PTPRE: variants seen among roughly 807,000 people sequenced by gnomAD.
PTPRE encodes receptor-type tyrosine-protein phosphatase epsilon.
Under a neutral mutation model 102.0 loss-of-function variants are expected in PTPRE, and 51 were observed. That is an observed-to-expected ratio of 0.50 (90% CI 0.40 to 0.63). The LOEUF is 0.63. Ranked by LOEUF, PTPRE falls within the 30% of genes least tolerant of loss-of-function variation. The pLI is 0.00. For missense variants in PTPRE, 752 were observed against 915.1 expected, an observed-to-expected ratio of 0.82 and a Z score of 2.30; for synonymous variants, 345 against 348.2, an observed-to-expected ratio of 0.99 and a Z score of 0.10.
chr10:127,935,769 A>G (rs985847714), intron 1 of PTPRE, among the ~76,000 whole-genome samples: 5 of 152,148 alleles, frequency 3.3e-5, no homozygotes, highest in African/African-American at 1.2e-4. Context: ...CACTGCTACA[A>G]ACCCAGACAT....
At chr10:128,082,195 C>CTCTCTCTTTTTTTT in intron 20 of PTPRE, among the ~76,000 whole-genome samples, 1 of 89,036 alleles carries the variant, frequency 1.1e-5, no homozygotes, top group Non-Finnish European at 2.2e-5. Flanking sequence ...TTTTCTCTTT[C>CTCTCTCTTTTTTTT]TTTTTTTTTT....
intron 1 of PTPRE, among the ~76,000 whole-genome samples, chr10:127,920,281 C>T (rs563338080): frequency 6.6e-6 from 1 of 152,268 alleles, no homozygotes; most frequent in Admixed American, 6.5e-5. Flanking sequence ...AGAAGAGCAC[C>T]TTGAGTCCCA....
chr10:127,972,459 C>G (rs1410985093), intron 1 of PTPRE, among the ~76,000 whole-genome samples: 2 of 152,160 alleles, frequency 1.3e-5, no homozygotes, highest in East Asian at 1.9e-4. Context: ...CCTCAAGGAC[C>G]ATTTGTCCTC....
At chr10:128,073,127 CGGT>C (rs1160349955) in intron 16 of PTPRE, among the ~76,000 whole-genome samples, 1 of 152,204 alleles carries the variant, frequency 6.6e-6, no homozygotes, top group Non-Finnish European at 1.5e-5. Flanking sequence ...CAGGGGCTGA[CGGT>C]GGCCGTTATG....
At chr10:128,075,012 C>T (rs959978955) in intron 17 of PTPRE, among the ~76,000 whole-genome samples, 36 of 152,296 alleles carry the variant, frequency 2.4e-4, no homozygotes, top group East Asian at 1.9e-4. Context: ...TTTATGCCTA[C>T]GTAGACTGTT....
intron 1 of PTPRE, among the ~76,000 whole-genome samples, chr10:127,969,683 G>GGC (rs368828538): frequency 3.6e-5 from 4 of 110,434 alleles, no homozygotes; most frequent in African/African-American, 1.5e-4. Flanking sequence ...AAAAAAAAAA[G>GGC]GGGGGCGGGG....
At chr10:128,080,461 G>C (rs554295524) in intron 20 of PTPRE, among the ~76,000 whole-genome samples, 5 of 152,344 alleles carry the variant, frequency 3.3e-5, no homozygotes, top group African/African-American at 1.2e-4. Flanking sequence ...CGCAGCAGGA[G>C]CGAGGACACC....
Position 127,907,303 on chromosome 10 carries a change from C to A in PTPRE, c.-37C>A, listed in dbSNP as rs1845540117. ...GCGATCTGCGCGACCAGACCGGCCCCCCCGAGGTGAGCGCGCGTGCGGACA... is the reference window on the plus strand; with the variant it reads ...GCGATCTGCGCGACCAGACCGGCCCACCCGAGGTGAGCGCGCGTGCGGACA... On this transcript the variant is annotated 5_prime_UTR_variant, in exon 1 of 21. Transcript: ENST00000254667. This position sits in a 1 kb window ranked among gnomAD's most constrained non-coding sequence, Gnocchi z 4.8. 3 of 984,804 alleles carry A rather than the reference C, an allele frequency of 3.0e-6. No homozygotes were observed. The highest frequency in any genetic ancestry group is 3.6e-6 in the Non-Finnish European group (3 of 829,732). 61.0% of individuals were successfully genotyped at this position (984,804 alleles called of 1,614,324 possible). A position where few individuals can be genotyped will look rare whatever the true frequency, so the allele number is the denominator to read the frequency against.
At chr10:128,064,012 C>T (rs1849843614) in intron 10 of PTPRE, among the ~76,000 whole-genome samples, 1 of 152,164 alleles carries the variant, frequency 6.6e-6, no homozygotes, top group Non-Finnish European at 1.5e-5. Flanking sequence ...AGCCGTGTGT[C>T]CTGCCCGGCC....
intron 2 of PTPRE, among the ~76,000 whole-genome samples, chr10:128,033,096 G>T (rs1312216858): frequency 6.6e-6 from 1 of 152,226 alleles, no homozygotes; most frequent in Non-Finnish European, 1.5e-5. Context: ...GAAATAAAAA[G>T]CTACTAAGAG....
chr10:127,984,083 T>C (rs568322884), intron 2 of PTPRE, among the ~76,000 whole-genome samples: 23,062 of 142,294 alleles, frequency 0.16, 1,685 homozygotes, highest in Non-Finnish European at 0.2. Context: ...TCTTTCTTTT[T>C]TTTTTTTTTT....
intron 2 of PTPRE, among the ~76,000 whole-genome samples, chr10:127,986,499 C>T (rs1241547584): frequency 6.6e-6 from 1 of 152,156 alleles, no homozygotes; most frequent in Non-Finnish European, 1.5e-5. Flanking sequence ...CATGGAAATA[C>T]CCAAGGAATA....
chr10:128,056,476 G>A (rs1848971807), intron 7 of PTPRE, among the ~76,000 whole-genome samples: 1 of 152,228 alleles, frequency 6.6e-6, no homozygotes, highest in South Asian at 2.1e-4. Flanking sequence ...CTGGGGCCCA[G>A]CGGGTAAGGG....
intron 1 of PTPRE, among the ~76,000 whole-genome samples, chr10:127,917,069 C>T (rs997277175): frequency 2.6e-5 from 4 of 151,802 alleles, no homozygotes; most frequent in African/African-American, 7.3e-5. Flanking sequence ...CGGGGGAAAC[C>T]GACTCAGCAG....
At chr10:128,063,799 T>G (rs1849825367) in intron 10 of PTPRE, among the ~76,000 whole-genome samples, 1 of 152,058 alleles carries the variant, frequency 6.6e-6, no homozygotes, top group South Asian at 2.1e-4. Flanking sequence ...GGGCTCAAAT[T>G]CAGGGCTGAG....
At chr10:128,057,084 G>A (rs1449792714) in intron 7 of PTPRE, among the ~76,000 whole-genome samples, 1 of 152,130 alleles carries the variant, frequency 6.6e-6, no homozygotes, top group Non-Finnish European at 1.5e-5. Flanking sequence ...GGGCATGGTG[G>A]TGGACGCCTG....
intron 2 of PTPRE, among the ~76,000 whole-genome samples, chr10:128,022,167 A>G (rs1845941592): frequency 6.6e-6 from 1 of 152,210 alleles, no homozygotes; most frequent in Non-Finnish European, 1.5e-5. Context: ...AAGTGTCTTT[A>G]CCATGTTCGG....
At chr10:127,958,615 T>C (rs1392925131) in intron 1 of PTPRE, among the ~76,000 whole-genome samples, 1 of 152,220 alleles carries the variant, frequency 6.6e-6, no homozygotes, top group African/African-American at 2.4e-5. Context: ...TTGAAGATTA[T>C]GCAGCTAAAT....
Position 127,995,823 on chromosome 10 carries a change from GCACACACACACACA to G in PTPRE, c.-8+13547_-8+13560del, listed in dbSNP as rs143328396. Among the ~76,000 whole-genome samples, 3 of 148,332 alleles carry G rather than the reference GCACACACACACACA, an allele frequency of 2.0e-5. No individual in the cohort carries two copies. In the South Asian group the frequency reaches 6.5e-4, roughly 32 times the overall value. ...CCATGTTTATACCAACTCTACACGA[GCACACACACACACA>G]CACACACACACACACACACGCACGC... On this transcript the variant is annotated intron_variant, in intron 2 of 20. Coordinates refer to ENST00000254667, the MANE Select transcript of PTPRE (RefSeq NM_006504.6).
Sources: gnomAD v4.1 joint callset for allele counts (sites outside exome capture counted in the v4.1 genomes callset) on GRCh38, gnomAD v4.1.1 for gene constraint, Gnocchi (gnomAD v3.1) non-coding constraint, MANE v1.5 for transcripts, NCBI Gene and HGNC (gene_info 2026-07-23, HGNC 2026-07-21) for gene names.